Variants in DSPP observed in about 807,000 individuals in gnomAD.
DSPP encodes the protein dentin sialophosphoprotein, also known as deafness, autosomal dominant 39.
Under a neutral mutation model 29.1 loss-of-function variants are expected in DSPP, and 28 were observed. That is an observed-to-expected ratio of 0.96 (90% CI 0.71 to 1.32). The LOEUF is 1.32. Ranked by LOEUF, DSPP falls within the 40% of genes most tolerant of loss-of-function variation. The probability of loss-of-function intolerance (pLI) is 0.00; values close to 1 mark genes in which losing one functional copy is unlikely to be tolerated. For synonymous variants in DSPP, 481 were observed against 503.4 expected, an observed-to-expected ratio of 0.96 and a Z score of 0.60; for missense variants, 1,281 against 1,629.9, an observed-to-expected ratio of 0.79 and a Z score of 3.69.
In DSPP at chr4:87,612,102, C is replaced by A. The variant is rs1315745847; in HGVS notation, c.52-3C>A. ...TCAATAGCCAGTATTTTCTACTTGG[C>A]AGGTTCCTCAAAGCAAACCACTGGA... On this transcript the variant is annotated splice_region_variant and splice_polypyrimidine_tract_variant and intron_variant, in intron 2 of 4. Coordinates refer to ENST00000651931, the MANE Select transcript of DSPP (RefSeq NM_014208.3). The A allele has an allele frequency of 1.9e-6, 3 of 1,613,486 alleles. No homozygotes were observed.
chr4:87,616,331 T>A lies in DSPP; in HGVS notation c.3669T>A (p.Ser1223Arg), dbSNP rs371506719. The A allele has an allele frequency of 6.6e-7, 1 of 1,509,596 alleles. No individual in the cohort carries two copies. Among genetic ancestry groups the A allele is most frequent in the African/African-American group, 1.4e-5 (1 of 69,290 alleles). The allele number at this position is 1,509,596 out of a possible 1,614,324, so 93.5% of individuals were successfully genotyped here. ...ACAGCAGTGACAGCAGCGACAGCAG[T>A]GACAGCAGCGACAGCAGTGACAGCA... ...SSDSSDSSDS[S>R]DSSDSSDSNE... The change falls in exon 5 of 5, where the codon AGT becomes AGA. Residue 1223 changes from serine (S) to arginine (R), a missense_variant. By Grantham distance (110) the Ser-to-Arg change is moderately radical. Around this residue, in one of 4 missense-constraint regions of DSPP, gnomAD observed 134 missense variants for 185.0 expected, o/e 0.72. Coordinates refer to ENST00000651931, the MANE Select transcript of DSPP (RefSeq NM_014208.3).
rs770256444 is a variant in DSPP, at chr4:87,614,210, T to A, written c.1548T>A (p.Asp516Glu). 6.2e-7 allele frequency: 1 copy of A among 1,614,228 alleles called. No individual in the cohort carries two copies. The highest frequency in any genetic ancestry group is 1.1e-5 in the South Asian group (1 of 91,086). The change falls in exon 5 of 5, where the codon GAT becomes GAA. Residue 516 changes from aspartate (D) to glutamate (E), a missense_variant. Coordinates refer to ENST00000651931, the MANE Select transcript of DSPP (RefSeq NM_014208.3). ...DSKGAEDDDS[D>E]STSDTNNSDS... Reference sequence around the variant, plus strand: ...AAGGAGCAGAAGATGATGACAGTGATAGCACATCAGACACTAATAATAGTG... The same window carrying A: ...AAGGAGCAGAAGATGATGACAGTGAAAGCACATCAGACACTAATAATAGTG...
chr4:87,614,097 T>C lies in DSPP; in HGVS notation c.1435T>C (p.Ser479Pro). The C allele has an allele frequency of 6.2e-7, 1 of 1,614,234 alleles. No homozygotes were observed. The highest frequency in any genetic ancestry group is 8.5e-7 in the Non-Finnish European group (1 of 1,180,046). Residue 479 changes from serine to proline, a missense_variant, in exon 5 of 5, where the codon TCA becomes CCA. Transcript: ENST00000651931. The part of the protein sequence containing the change: ...DESNGNDDAN[S>P]ESDNNSSSRG... ...ATCTAATGGCAATGATGATGCTAAT[T>C]CAGAAAGTGACAATAACAGCAGTAG...
intron 1 of DSPP, among the ~76,000 whole-genome samples, chr4:87,610,628 G>T (rs771692011): frequency 5.9e-5 from 9 of 152,144 alleles, no homozygotes; most frequent in Non-Finnish European, 1.2e-4. Flanking sequence ...TTACAGCTAT[G>T]CCCTTTGTAC....
intron 4 of DSPP, 109 bp downstream of exon 4, chr4:87,613,417 C>T: frequency 7.5e-7 from 1 of 1,335,488 alleles, no homozygotes; most frequent in South Asian, 1.2e-5. Flanking sequence ...ATTTTTGTAT[C>T]CATATTACTT....
intron 1 of DSPP, among the ~76,000 whole-genome samples, chr4:87,609,519 T>C (rs1470880714): frequency 1.3e-5 from 2 of 152,224 alleles, no homozygotes; most frequent in African/African-American, 4.8e-5. Context: ...TCAGCCTCAC[T>C]TGAATCTATG....
Position 87,616,223 on chromosome 4 carries a change from T to C in DSPP, c.3561T>C (p.Ser1187=), listed in dbSNP as rs369987019. 3.3e-3 allele frequency: 4,999 copies of C among 1,530,764 alleles called. 325 individuals carry two copies. The highest frequency in any genetic ancestry group is 0.031 in the African/African-American group (2,136 of 68,894). 94.8% of individuals were successfully genotyped at this position (1,530,764 alleles called of 1,614,324 possible). The part of the protein sequence containing the change: ...SSNSSDSSDS[S]DSSDSSDSSD... ...ATAGCAGTGATAGCAGCGACAGCAGTGATAGCAGTGACAGCAGCGACAGCA... is the reference window on the plus strand; with the variant it reads ...ATAGCAGTGATAGCAGCGACAGCAGCGATAGCAGTGACAGCAGCGACAGCA... Residue 1187 remains serine (S), a synonymous_variant, in exon 5 of 5, where the codon AGT becomes AGC. Coordinates refer to ENST00000651931, the MANE Select transcript of DSPP (RefSeq NM_014208.3).
intron 1 of DSPP, among the ~76,000 whole-genome samples, chr4:87,609,506 A>T (rs1727696447): frequency 6.6e-6 from 1 of 152,060 alleles, no homozygotes; most frequent in Admixed American, 6.6e-5. Flanking sequence ...TCCTGGTGTC[A>T]CCTCAGCCTC....
Position 87,610,869 on chromosome 4 carries a change from T to G in DSPP, c.-28-12T>G, listed in dbSNP as rs1727719950. 6.4e-7 allele frequency: 1 copy of G among 1,561,472 alleles called. No homozygotes were observed. The highest frequency in any genetic ancestry group is 8.8e-7 in the Non-Finnish European group (1 of 1,132,226). The stretch of plus-strand genomic sequence containing the variant: ...TTTATAAGTAATTTTGTGCTGTTCC[T>G]TTTTTATACAGCCATTGATTATTAT... On this transcript the variant is annotated splice_polypyrimidine_tract_variant and intron_variant, in intron 1 of 4. Transcript: ENST00000651931.
intron 2 of DSPP, among the ~76,000 whole-genome samples, chr4:87,611,407 AT>A (rs913817893): frequency 1.3e-5 from 2 of 152,028 alleles, no homozygotes; most frequent in Middle Eastern, 3.4e-3. Flanking sequence ...GAAAAAGTAG[AT>A]TTTTTTTCAA....
In DSPP at chr4:87,613,924, T is replaced by A; in HGVS notation, c.1262T>A (p.Val421Asp). The change falls in exon 5 of 5, where the codon GTC becomes GAC. Residue 421 changes from valine (V) to aspartate (D), a missense_variant. By Grantham distance (152) the Val-to-Asp change is radical. Transcript: ENST00000651931. ...KGNVKTQGEV[V>D]NIEGPGQKSE... ...AATGTCAAGACACAAGGAGAGGTTGTCAACATAGAAGGACCTGGCCAAAAA... is the reference window on the plus strand; with the variant it reads ...AATGTCAAGACACAAGGAGAGGTTGACAACATAGAAGGACCTGGCCAAAAA... The A allele has an allele frequency of 1.2e-6, 2 of 1,614,110 alleles. No homozygotes were observed. Among genetic ancestry groups the A allele is most frequent in the Non-Finnish European group, 1.7e-6 (2 of 1,180,010 alleles).
chr4:87,610,877 AC>A lies in DSPP; in HGVS notation c.-28-3del. On this transcript the variant is annotated splice_region_variant and splice_polypyrimidine_tract_variant and intron_variant, in intron 1 of 4. Coordinates refer to ENST00000651931, the MANE Select transcript of DSPP (RefSeq NM_014208.3). ...TAATTTTGTGCTGTTCCTTTTTTATACAGCCATTGATTATTATTATTCCTAA... is the reference window on the plus strand; with the variant it reads ...TAATTTTGTGCTGTTCCTTTTTTATAAGCCATTGATTATTATTATTCCTAA... The A allele has an allele frequency of 6.3e-7, 1 of 1,579,644 alleles. No homozygotes were observed. The highest frequency in any genetic ancestry group is 8.7e-7 in the Non-Finnish European group (1 of 1,148,860).
At chr4:87,613,530 T>C (rs1727783360) in intron 4 of DSPP, among the ~76,000 whole-genome samples, 1 of 152,230 alleles carries the variant, frequency 6.6e-6, no homozygotes, top group Admixed American at 6.5e-5. Flanking sequence ...AAAAGTCTTA[T>C]GTGAAATCAT....
In DSPP at chr4:87,612,953, A is replaced by G; in HGVS notation, c.767A>G (p.Asp256Gly). The G allele has an allele frequency of 6.2e-7, 1 of 1,614,172 alleles. No individual in the cohort carries two copies. ...PSGNGADEDE[D>G]EGSGDDEDEE... ...GGGAATGGAGCAGATGAGGATGAAG[A>G]CGAGGGTTCTGGTGATGATGAAGAT... is the stretch of plus-strand genomic sequence containing the variant. The change falls in exon 4 of 5, where the codon GAC (aspartate) becomes GGC (glycine). Residue 256 changes from aspartate (D) to glycine (G), a missense_variant. Transcript: ENST00000651931.
In DSPP at chr4:87,616,076, C is replaced by CGAT. The variant is rs1553904472; in HGVS notation, c.3414_3415insGAT (p.Ser1138_Ser1139insAsp). 5 of 1,119,164 alleles carry CGAT rather than the reference C, an allele frequency of 4.5e-6. 1 individual carries two copies. Among genetic ancestry groups the CGAT allele is most frequent in the Admixed American group, 3.6e-5 (1 of 27,882 alleles). 69.3% of individuals were successfully genotyped at this position (1,119,164 alleles called of 1,614,324 possible). A position where few individuals can be genotyped will look rare whatever the true frequency, so the allele number is the denominator to read the frequency against. ...GCGACAGCAGTGATAGCAGTGACAG[C>CGAT]AGCAACAGCAGTGACAGCAGTGACA... On this transcript the variant is annotated inframe_insertion, in exon 5 of 5. Coordinates refer to ENST00000651931, the MANE Select transcript of DSPP (RefSeq NM_014208.3).
chr4:87,614,362 G>A lies in DSPP; in HGVS notation c.1700G>A (p.Ser567Asn), dbSNP rs775047378. 1.3e-6 allele frequency: 2 copies of A among 1,595,024 alleles called. No individual in the cohort carries two copies. Among genetic ancestry groups the A allele is most frequent in the Admixed American group, 1.7e-5 (1 of 57,752 alleles). ...AATAGCAGTGATAGTAGTGACAGCA[G>A]TGACAGTGACAGCAGTGATAGCAAC... ...SSNSSDSSDS[S>N]DSDSSDSNSS... is the part of the protein sequence containing the mutation. The change falls in exon 5 of 5, where the codon AGT (serine) becomes AAT (asparagine). Residue 567 changes from serine to asparagine, a missense_variant. Around this residue, in one of 4 missense-constraint regions of DSPP, gnomAD observed 444 missense variants for 611.4 expected, o/e 0.73. Coordinates refer to ENST00000651931, the MANE Select transcript of DSPP (RefSeq NM_014208.3).
rs200927888 is a variant in DSPP at position 87,612,366 on chromosome 4, G to T, written c.180G>T (p.Leu60=). The change falls in exon 4 of 5, where the codon CTG becomes CTT. Residue 60 remains leucine (L), a synonymous_variant. Transcript: ENST00000651931. ...ASGTIKESGV[L]VHEGDRGRQE... ...GAACCATCAAAGAAAGTGGTGTCCT[G>T]GTGCATGAAGGTGATAGAGGAAGGC... 7.9e-4 allele frequency: 1,274 copies of T among 1,614,056 alleles called. 3 individuals are homozygous for T. The highest frequency in any genetic ancestry group is 9.9e-4 in the Middle Eastern group (6 of 6,062).
chr4:87,616,341 G>C lies in DSPP; in HGVS notation c.3679G>C (p.Asp1227His). Residue 1227 changes from aspartate (D) to histidine (H), a missense_variant, in exon 5 of 5, where the codon GAC becomes CAC. Transcript: ENST00000651931. ...CAGCAGCGACAGCAGTGACAGCAGC[G>C]ACAGCAGTGACAGCAATGAAAGCAG... ...SDSSDSSDSS[D>H]SSDSNESSDS... 1.3e-6 allele frequency: 2 copies of C among 1,514,764 alleles called. No individual in the cohort carries two copies. The highest frequency in any genetic ancestry group is 1.2e-5 in the South Asian group (1 of 80,914). 93.8% of individuals were successfully genotyped at this position (1,514,764 alleles called of 1,614,324 possible).
At position 87,616,486 on chromosome 4, in the gene DSPP, C is replaced by T. The variant is rs780584309; in HGVS notation, c.3824C>T (p.Ser1275Phe). The change falls in exon 5 of 5, where the codon TCT becomes TTT. Residue 1275 changes from serine to phenylalanine, a missense_variant. Coordinates refer to ENST00000651931, the MANE Select transcript of DSPP (RefSeq NM_014208.3). ...SNDESDSQSKSGNGNNNGSDS... is the reference protein window; with the variant it reads ...SNDESDSQSKFGNGNNNGSDS... ...GATGAGAGTGACAGCCAGAGCAAGTCTGGTAACGGTAACAACAATGGAAGT... is the reference window on the plus strand; with the variant it reads ...GATGAGAGTGACAGCCAGAGCAAGTTTGGTAACGGTAACAACAATGGAAGT... The T allele has an allele frequency of 6.4e-7, 1 of 1,551,702 alleles. No homozygotes were observed. The highest frequency in any genetic ancestry group is 1.2e-5 in the South Asian group (1 of 84,064).
Sources: allele counts gnomAD v4.1 joint callset (sites outside exome capture counted in the v4.1 genomes callset), GRCh38; gene constraint gnomAD v4.1.1; regional missense constraint gnomAD v4.1.1; transcripts MANE v1.5; gene names NCBI Gene and HGNC (gene_info 2026-07-23, HGNC 2026-07-21).